Variants in CACNB2 observed in about 807,000 individuals in gnomAD.
The protein encoded by CACNB2 is voltage-dependent L-type calcium channel subunit beta-2.
CACNB2 carries 42 observed loss-of-function variants against 73.3 expected under a neutral mutation model. That is an observed-to-expected ratio of 0.57 (90% CI 0.45 to 0.74). CACNB2 has a LOEUF of 0.74. CACNB2 is among the 30% of genes least tolerant of loss of function. CACNB2 has a pLI of 0.00. For synonymous variants in CACNB2, 348 were observed against 310.3 expected (o/e 1.12, Z -1.28); for missense variants, 940 against 853.0 (o/e 1.10, Z -1.27).
chr10:18,183,708 C>T (rs1345475184), intron 2 of CACNB2, among the ~76,000 whole-genome samples: 1 of 152,210 alleles, frequency 6.6e-6, no homozygotes, highest in African/African-American at 2.4e-5. Context: ...GGAGCTACAA[C>T]TCAAGAGGAG....
In CACNB2 at chr10:18,492,634, A is replaced by G. The variant is rs535108352; in HGVS notation, c.334-5721A>G. On this transcript the variant is annotated intron_variant, in intron 3 of 13. Transcript: ENST00000324631. The stretch of plus-strand genomic sequence containing the variant: ...AGACTCTGTCTCAAAAAAAAAAAAA[A>G]AAAAGAAAAAAAGAAAAGAAAAGAA... Among the ~76,000 whole-genome samples the G allele has an allele frequency of 5.3e-3, 695 of 130,330 alleles. 7 individuals carry two copies. The highest frequency in any genetic ancestry group is 7.0e-3 in the Non-Finnish European group (467 of 66,910). The allele number at this position is 130,330 out of a possible 152,430, so 85.5% of individuals were successfully genotyped here.
chr10:18,223,218 C>G (rs1319921954), intron 2 of CACNB2, among the ~76,000 whole-genome samples: 1 of 152,138 alleles, frequency 6.6e-6, no homozygotes, highest in Non-Finnish European at 1.5e-5. Context: ...CATATCTGGT[C>G]TTCAAATATG....
intron 2 of CACNB2, among the ~76,000 whole-genome samples, chr10:18,242,646 C>T (rs532060778): frequency 6.6e-6 from 1 of 152,200 alleles, no homozygotes; most frequent in Admixed American, 6.5e-5. Flanking sequence ...TCAGAAGTGT[C>T]TGTATTAGAA....
At chr10:18,291,353 G>C (rs1235366842) in intron 2 of CACNB2, among the ~76,000 whole-genome samples, 1 of 152,150 alleles carries the variant, frequency 6.6e-6, no homozygotes, top group Admixed American at 6.5e-5. Context: ...AGAGTAATTG[G>C]GAATTGCAAT....
intron 2 of CACNB2, among the ~76,000 whole-genome samples, chr10:18,391,900 C>CCTG (rs1267526333): frequency 7.4e-6 from 1 of 134,308 alleles, no homozygotes; most frequent in Non-Finnish European, 1.5e-5. Flanking sequence ...TGCACTCCAG[C>CCTG]CTGAGTGACA....
intron 2 of CACNB2, among the ~76,000 whole-genome samples, chr10:18,182,363 A>G (rs920459712): frequency 6.6e-6 from 1 of 151,914 alleles, no homozygotes; most frequent in Non-Finnish European, 1.5e-5. Flanking sequence ...AGAAGGGGTA[A>G]AAATGTAAAA....
Position 18,536,109 on chromosome 10 carries a change from A to C in CACNB2, c.1215A>C (p.Gln405His), listed in dbSNP as rs1206230612. Residue 405 changes from glutamine (Q) to histidine (H), a missense_variant, in exon 12 of 14, where the codon CAA becomes CAC. Transcript: ENST00000324631. ...YVKISSPKVL[Q>H]RLIKSRGKSQ... Reference sequence around the variant, plus strand: ...CTCATTATCTTTTACAGGTTTTACAAAGGTTAATAAAATCTCGAGGGAAAT... The same window carrying C: ...CTCATTATCTTTTACAGGTTTTACACAGGTTAATAAAATCTCGAGGGAAAT... 6.3e-7 allele frequency: 1 copy of C among 1,598,414 alleles called. No individual in the cohort carries two copies. The highest frequency in any genetic ancestry group is 1.7e-5 in the Admixed American group (1 of 59,982).
chr10:18,245,017 G>A lies in CACNB2; in HGVS notation c.213+94042G>A, dbSNP rs1376747476. On this transcript the variant is annotated intron_variant, in intron 2 of 13. Coordinates refer to ENST00000324631, the MANE Select transcript of CACNB2 (RefSeq NM_201596.3). ...CCATGAGCCAAGGAATACAGCAGCC[G>A]CTAACAGATGGAAAAGGCAAGAAAA... Among the ~76,000 whole-genome samples, 4 of 152,028 alleles carry A rather than the reference G, an allele frequency of 2.6e-5. No individual in the cohort carries two copies. In the East Asian group the frequency reaches 5.8e-4, roughly 22 times the overall value.
intron 2 of CACNB2, among the ~76,000 whole-genome samples, chr10:18,230,098 C>G (rs1308877188): frequency 1.3e-5 from 2 of 152,112 alleles, no homozygotes; most frequent in African/African-American, 4.8e-5. Flanking sequence ...TCATCTGTAC[C>G]TAACATAGGA....
At chr10:18,316,080 C>G (rs1434021849) in intron 2 of CACNB2, among the ~76,000 whole-genome samples, 1 of 152,110 alleles carries the variant, frequency 6.6e-6, no homozygotes, top group Non-Finnish European at 1.5e-5. Context: ...AAAATTTTAA[C>G]AGTCAGGCAG....
At chr10:18,420,741 C>G (rs577926271) in intron 3 of CACNB2, among the ~76,000 whole-genome samples, 1 of 152,288 alleles carries the variant, frequency 6.6e-6, no homozygotes, top group Non-Finnish European at 1.5e-5. Context: ...AATTAGCCAT[C>G]ACAGTCAGCT....
At chr10:18,312,356 A>G (rs962848277) in intron 2 of CACNB2, among the ~76,000 whole-genome samples, 3 of 152,230 alleles carry the variant, frequency 2.0e-5, no homozygotes, top group Non-Finnish European at 2.9e-5. Flanking sequence ...CTTTACATAA[A>G]AAAATATTAT....
chr10:18,219,363 A>G (rs1358688784), intron 2 of CACNB2, among the ~76,000 whole-genome samples: 1 of 152,226 alleles, frequency 6.6e-6, no homozygotes, highest in Non-Finnish European at 1.5e-5. Context: ...AGAGAACCAG[A>G]TGACCTGATA....
chr10:18,513,625 T>A (rs12777508), intron 6 of CACNB2: 31,651 of 300,164 alleles, frequency 0.11, 2,245 homozygotes, highest in Admixed American at 0.16. Context: ...AGAAAGTCAC[T>A]CAAATTCGCT....
At chr10:18,303,994 C>G (rs1342507654) in intron 2 of CACNB2, among the ~76,000 whole-genome samples, 1 of 152,192 alleles carries the variant, frequency 6.6e-6, no homozygotes, top group Admixed American at 6.5e-5. Flanking sequence ...CTTGCTCTGT[C>G]ATCCAGGCTG....
At chr10:18,390,010 A>G (rs2132440656) in intron 2 of CACNB2, among the ~76,000 whole-genome samples, 1 of 152,326 alleles carries the variant, frequency 6.6e-6, no homozygotes, top group Non-Finnish European at 1.5e-5. Context: ...ACAGTAAAAT[A>G]TTTAAGGACT....
At chr10:18,178,367 C>G (rs1343714966) in intron 2 of CACNB2, among the ~76,000 whole-genome samples, 1 of 152,160 alleles carries the variant, frequency 6.6e-6, no homozygotes, top group African/African-American at 2.4e-5. Context: ...CTAATCTTCT[C>G]AGATTCCTTC....
rs568759061 is a variant in CACNB2 at position 18,515,665 on chromosome 10, C to A, written c.804+1296C>A. 1.4e-4 allele frequency among the ~76,000 whole-genome samples: 21 copies of A among 152,306 alleles called. No individual in the cohort carries two copies. In the East Asian group the frequency reaches 3.9e-3, roughly 28 times the overall value. ...CACTTGGATTTTTGTGTTAACATAG[C>A]CTCAGCTTGATGTTCACCCACAACA... On this transcript the variant is annotated intron_variant, in intron 7 of 13. Transcript: ENST00000324631.
chr10:18,470,762 G>A (rs1395871316), intron 3 of CACNB2, among the ~76,000 whole-genome samples: 4 of 152,116 alleles, frequency 2.6e-5, no homozygotes, highest in Admixed American at 2.0e-4. Context: ...GCATTGAGAT[G>A]TTTGTTGCAA....
Sources: allele counts gnomAD v4.1 joint callset (sites outside exome capture counted in the v4.1 genomes callset), GRCh38; gene constraint gnomAD v4.1.1; transcripts MANE v1.5; gene names NCBI Gene and HGNC (gene_info 2026-07-23, HGNC 2026-07-21).